TMEM70: variants seen among roughly 807,000 people sequenced by gnomAD.
TMEM70 encodes the protein transmembrane protein 70, mitochondrial.
In TMEM70, 15 loss-of-function variants were observed where a neutral mutation model predicts 20.5. The observed-to-expected ratio is 0.73, with a 90% CI of 0.49 to 1.13. The LOEUF is 1.13. TMEM70 is among the 50% of genes most tolerant of loss of function. TMEM70 has a pLI of 0.00. For synonymous variants in TMEM70, 141 were observed against 134.2 expected (o/e 1.05, Z -0.35); for missense variants, 344 against 331.7 (o/e 1.04, Z -0.29).
At chr8:73,976,543 G>GT in intron 1 of TMEM70, 52 bp downstream of exon 1, 1 of 1,454,284 alleles carries the variant, frequency 6.9e-7, no homozygotes, top group Non-Finnish European at 9.1e-7. Context: ...GGCGGGCGTC[G>GT]TGTCGGGCCT....
At chr8:73,980,702 T>C (rs1815769747) in intron 2 of TMEM70, among the ~76,000 whole-genome samples, 1 of 152,226 alleles carries the variant, frequency 6.6e-6, no homozygotes. Context: ...GTTTTATTTC[T>C]CTGGTGATTT....
chr8:73,976,300 G>C lies in TMEM70; in HGVS notation c.19G>C (p.Gly7Arg). 1 of 1,600,822 alleles carries C rather than the reference G, an allele frequency of 6.2e-7. No individual in the cohort carries two copies. The highest frequency in any genetic ancestry group is 8.5e-7 in the Non-Finnish European group (1 of 1,179,560). Residue 7 changes from glycine to arginine, a missense_variant, in exon 1 of 3, where the codon GGC becomes CGC. Gly to Arg is a moderately radical substitution (Grantham distance 125, BLOSUM62 -2). Coordinates refer to ENST00000312184, the MANE Select transcript of TMEM70 (RefSeq NM_017866.6). ...CCGCGTGATGCTGTTTCTGGCGTTG[G>C]GCAGCCCGTGGGCGGTCGAACTGCC... Reference protein sequence around the residue: MLFLALGSPWAVELPLC... With the variant: MLFLALRSPWAVELPLC...
rs886063104 is a variant in TMEM70 at position 73,982,584 on chromosome 8, A to G, written c.*963A>G. ...AGCAGTTTTAAGTCTTCTTTGGTTC[A>G]GAACACAGGTTTTTGCCTAACCCCT... On this transcript the variant is annotated 3_prime_UTR_variant, in exon 3 of 3. Transcript: ENST00000312184. 1.6e-5 allele frequency: 8 copies of G among 490,148 alleles called. No homozygotes were observed. Among genetic ancestry groups the G allele is most frequent in the Non-Finnish European group, 3.2e-5 (8 of 249,662 alleles). 30.4% of individuals were successfully genotyped at this position (490,148 alleles called of 1,614,324 possible).
Position 73,976,399 on chromosome 8 carries a change from T to C in TMEM70, c.118T>C (p.Ser40Pro). 6.3e-7 allele frequency: 1 copy of C among 1,588,982 alleles called. No homozygotes were observed. Among genetic ancestry groups the C allele is most frequent in the Non-Finnish European group, 8.5e-7 (1 of 1,175,272 alleles). The change falls in exon 1 of 3, where the codon TCC becomes CCC. Residue 40 changes from serine (S) to proline (P), a missense_variant. Transcript: ENST00000312184. ...TCCCCGGGCCTCTGTCTCCCGGGCG[T>C]CCTCCAGCAGCGGGCCTTCGGGGCC... ...RGPRASVSRASSSSGPSGPVA... is the reference protein window; with the variant it reads ...RGPRASVSRAPSSSGPSGPVA...
chr8:73,981,334 T>C lies in TMEM70; in HGVS notation c.496T>C (p.Tyr166His). Residue 166 changes from tyrosine (Y) to histidine (H), a missense_variant, in exon 3 of 3, where the codon TAT becomes CAT. Coordinates refer to ENST00000312184, the MANE Select transcript of TMEM70 (RefSeq NM_017866.6). ...GCTGCTTCACTTTATTACAAAAGGC[T>C]ATGTCATTCGATTGTACCATGAGGC... ...PVLLHFITKG[Y>H]VIRLYHEATT... 6.2e-7 allele frequency: 1 copy of C among 1,614,234 alleles called. No homozygotes were observed. The highest frequency in any genetic ancestry group is 8.5e-7 in the Non-Finnish European group (1 of 1,180,038).
chr8:73,977,197 T>C (rs1815671936), intron 1 of TMEM70, among the ~76,000 whole-genome samples: 1 of 152,214 alleles, frequency 6.6e-6, no homozygotes, highest in African/African-American at 2.4e-5. Flanking sequence ...TTCTTTTTTT[T>C]TGGAGGTGAA....
At position 73,981,584 on chromosome 8, in the gene TMEM70, A is replaced by G; in HGVS notation, c.746A>G (p.Glu249Gly). ...DKEEFILYME[E>G]TSEEKRHKDD... Reference sequence around the variant, plus strand: ...GAAGAATTTATTTTGTATATGGAAGAAACCAGTGAAGAGAAACGGCATAAA... The same window carrying G: ...GAAGAATTTATTTTGTATATGGAAGGAACCAGTGAAGAGAAACGGCATAAA... The change falls in exon 3 of 3, where the codon GAA (glutamate) becomes GGA (glycine). Residue 249 changes from glutamate (E) to glycine (G), a missense_variant. Glu to Gly is a moderately conservative substitution (Grantham distance 98). Coordinates refer to ENST00000312184, the MANE Select transcript of TMEM70 (RefSeq NM_017866.6). 6.2e-7 allele frequency: 1 copy of G among 1,612,336 alleles called. No individual in the cohort carries two copies. Among genetic ancestry groups the G allele is most frequent in the Non-Finnish European group, 8.5e-7 (1 of 1,179,254 alleles).
At position 73,976,248 on chromosome 8, in the gene TMEM70, G is replaced by C. The variant is rs1331021220; in HGVS notation, c.-34G>C. 3.8e-6 allele frequency: 6 copies of C among 1,584,806 alleles called. No individual in the cohort carries two copies. Among genetic ancestry groups the C allele is most frequent in the Non-Finnish European group, 5.1e-6 (6 of 1,171,166 alleles). On this transcript the variant is annotated 5_prime_UTR_variant, in exon 1 of 3. Transcript: ENST00000312184. ...TGTCTCGCAGTCGTGGACTCGTGCA[G>C]CTGGGGCGTCCGCAGCCGCTCGTCA...
rs762522077 is a variant in TMEM70 at position 73,976,391 on chromosome 8, C to G, written c.110C>G (p.Ser37Cys). ...CTCCGAGGTCCCCGGGCCTCTGTCT[C>G]CCGGGCGTCCTCCAGCAGCGGGCCT... ...AALRGPRASVSRASSSSGPSG... is the reference protein window; with the variant it reads ...AALRGPRASVCRASSSSGPSG... Residue 37 changes from serine (S) to cysteine (C), a missense_variant, in exon 1 of 3, where the codon TCC becomes TGC. Ser to Cys is a moderately radical substitution (Grantham distance 112). Transcript: ENST00000312184. The G allele has an allele frequency of 2.5e-6, 4 of 1,591,898 alleles. No homozygotes were observed. The East Asian group carries it at 9.0e-5, about 36-fold the overall frequency.
Position 73,981,663 on chromosome 8 carries a change from T to C in TMEM70, c.*42T>C, listed in dbSNP as rs2131237349. ...TCGTGCTCAAATGTGATTTACGTTTTAATGTATAATAATAAAATTGCCTTT... is the reference window on the plus strand; with the variant it reads ...TCGTGCTCAAATGTGATTTACGTTTCAATGTATAATAATAAAATTGCCTTT... On this transcript the variant is annotated 3_prime_UTR_variant, in exon 3 of 3. Transcript: ENST00000312184. 1 of 1,365,422 alleles carries C rather than the reference T, an allele frequency of 7.3e-7. No individual in the cohort carries two copies. The allele number at this position is 1,365,422 out of a possible 1,614,324, so 84.6% of individuals were successfully genotyped here.
rs1184554652 is a variant in TMEM70 at position 73,981,386 on chromosome 8, C to T, written c.548C>T (p.Thr183Ile). Residue 183 changes from threonine (T) to isoleucine (I), a missense_variant, in exon 3 of 3, where the codon ACC becomes ATC. Thr to Ile is a moderately conservative substitution (Grantham distance 89). Coordinates refer to ENST00000312184, the MANE Select transcript of TMEM70 (RefSeq NM_017866.6). ...EATTDTYKAI[T>I]YNAMLAETST... Reference sequence around the variant, plus strand: ...ACAACAGACACTTATAAAGCCATTACCTACAATGCTATGCTTGCAGAAACG... The same window carrying T: ...ACAACAGACACTTATAAAGCCATTATCTACAATGCTATGCTTGCAGAAACG... 7 of 1,614,166 alleles carry T rather than the reference C, an allele frequency of 4.3e-6. No individual in the cohort carries two copies. Among genetic ancestry groups the T allele is most frequent in the Non-Finnish European group, 5.9e-6 (7 of 1,180,016 alleles).
chr8:73,976,255 C>T lies in TMEM70; in HGVS notation c.-27C>T. On this transcript the variant is annotated 5_prime_UTR_variant, in exon 1 of 3. Transcript: ENST00000312184. ...CAGTCGTGGACTCGTGCAGCTGGGG[C>T]GTCCGCAGCCGCTCGTCACCCGCGT... 5 of 1,589,014 alleles carry T rather than the reference C, an allele frequency of 3.1e-6. No homozygotes were observed. The highest frequency in any genetic ancestry group is 3.4e-6 in the Non-Finnish European group (4 of 1,173,144).
At chr8:73,979,588 C>T (rs1815738764) in intron 2 of TMEM70, among the ~76,000 whole-genome samples, 1 of 151,996 alleles carries the variant, frequency 6.6e-6, no homozygotes. Context: ...TTGAAGTATA[C>T]AGTTTAGAAG....
At chr8:73,977,245 G>A (rs1467011560) in intron 1 of TMEM70, among the ~76,000 whole-genome samples, 1 of 152,090 alleles carries the variant, frequency 6.6e-6, no homozygotes, top group African/African-American at 2.4e-5. Context: ...GCAGTGACGT[G>A]ATCTTGGCTC....
At chr8:73,977,970 C>G (rs962007438) in intron 1 of TMEM70, among the ~76,000 whole-genome samples, 13 of 152,182 alleles carry the variant, frequency 8.5e-5, no homozygotes, top group Admixed American at 4.6e-4. Context: ...CTGCAGTTTT[C>G]TACTTGTGAC....
In TMEM70 at chr8:73,981,780, G is replaced by C. The variant is rs1221163386; in HGVS notation, c.*159G>C. On this transcript the variant is annotated 3_prime_UTR_variant, in exon 3 of 3. Transcript: ENST00000312184. ...ATGATGTTTGTTTATAATAAAACAAGCTATGTTTGAAAACCAAAATGTAGT... is the reference window on the plus strand; with the variant it reads ...ATGATGTTTGTTTATAATAAAACAACCTATGTTTGAAAACCAAAATGTAGT... 4.0e-6 allele frequency: 3 copies of C among 759,078 alleles called. No individual in the cohort carries two copies. The African/African-American group carries it at 5.2e-5, about 13-fold the overall frequency. 47.0% of individuals were successfully genotyped at this position (759,078 alleles called of 1,614,324 possible).
At chr8:73,977,758 C>T (rs910363222) in intron 1 of TMEM70, among the ~76,000 whole-genome samples, 1 of 152,132 alleles carries the variant, frequency 6.6e-6, no homozygotes, top group Non-Finnish European at 1.5e-5. Context: ...CCTCAGCCTC[C>T]CCAGTAGCTG....
At chr8:73,979,064 C>CAAATAAA in intron 2 of TMEM70, 1 of 693,340 alleles carries the variant, frequency 1.4e-6, no homozygotes, top group Non-Finnish European at 2.6e-6. Flanking sequence ...GACAGAGTCT[C>CAAATAAA]ACTCTGTTGT....
rs1815846784 is a variant in TMEM70 at position 73,982,764 on chromosome 8, T to TA, written c.*1144dup. 1 of 452,068 alleles carries TA rather than the reference T, an allele frequency of 2.2e-6. No individual in the cohort carries two copies. Among genetic ancestry groups the TA allele is most frequent in the Non-Finnish European group, 4.4e-6 (1 of 225,748 alleles). 28.0% of individuals were successfully genotyped at this position (452,068 alleles called of 1,614,324 possible). Reference sequence around the variant, plus strand: ...CCTATGGGTGTAGGAAAACCACTGTTATTAAACAGGTGAAAAATACCTTGT... The same window carrying TA: ...CCTATGGGTGTAGGAAAACCACTGTTAATTAAACAGGTGAAAAATACCTTGT... On this transcript the variant is annotated 3_prime_UTR_variant, in exon 3 of 3. Transcript: ENST00000312184.
Sources: allele counts gnomAD v4.1 joint callset (sites outside exome capture counted in the v4.1 genomes callset), GRCh38; gene constraint gnomAD v4.1.1; transcripts MANE v1.5; gene names NCBI Gene and HGNC (gene_info 2026-07-23, HGNC 2026-07-21).